The following PIKFYVE variants were observed in gnomAD, a reference collection of about 807,000 sequenced individuals.
PIKFYVE encodes the protein phosphoinositide kinase, FYVE-type zinc finger containing.
In PIKFYVE, 122 loss-of-function variants were observed where a neutral mutation model predicts 257.9. That is an observed-to-expected ratio of 0.47 (90% CI 0.41 to 0.55). The LOEUF (loss-of-function observed/expected upper bound fraction) is 0.55, where lower values mean the gene tolerates loss of function less well. Ranked by LOEUF, PIKFYVE falls within the 20% of genes least tolerant of loss-of-function variation. The pLI is 0.00. For synonymous variants in PIKFYVE, 892 were observed against 868.9 expected (o/e 1.03, Z -0.47); for missense variants, 2,160 against 2,536.6 (o/e 0.85, Z 3.19).
chr2:208,296,889 G>A (rs548857813), intron 7 of PIKFYVE, among the ~76,000 whole-genome samples: 1 of 152,296 alleles, frequency 6.6e-6, no homozygotes, highest in Admixed American at 6.5e-5. Flanking sequence ...GGGTTGTTTG[G>A]GGTTTAAGAG....
At chr2:208,340,469 G>T (rs1334197963) in intron 31 of PIKFYVE, among the ~76,000 whole-genome samples, 2 of 152,142 alleles carry the variant, frequency 1.3e-5, no homozygotes, top group Non-Finnish European at 2.9e-5. Flanking sequence ...TATGAGGTTG[G>T]TAGTTGATTT....
chr2:208,342,647 CA>C lies in PIKFYVE; in HGVS notation c.5026del (p.Ser1676ValfsTer9). Reference protein sequence around the residue: ...EPSSIIAFALSCKEYRNALEE... With the variant: ...EPSSIIAFALXCKEYRNALEE... ...CCAGCTCCATCATTGCTTTTGCTCT[CA>C]GGTATTATTCATGGGACTTTGACTT... is the stretch of plus-strand genomic sequence containing the variant. On this transcript the variant is annotated frameshift_variant and splice_region_variant, in exon 32 of 42. Transcript: ENST00000264380. LOFTEE classifies it high-confidence loss of function. The C allele has an allele frequency of 6.2e-7, 1 of 1,604,016 alleles. No individual in the cohort carries two copies. Among genetic ancestry groups the C allele is most frequent in the Non-Finnish European group, 8.5e-7 (1 of 1,170,840 alleles).
At chr2:208,322,951 T>A in intron 17 of PIKFYVE, among the ~76,000 whole-genome samples, 1 of 149,338 alleles carries the variant, frequency 6.7e-6, no homozygotes, top group East Asian at 2.0e-4. Flanking sequence ...CGGTGTTTGG[T>A]TTTTTGTCCT....
chr2:208,331,131 G>A (rs1262704250), intron 23 of PIKFYVE, among the ~76,000 whole-genome samples: 1 of 152,040 alleles, frequency 6.6e-6, no homozygotes, highest in Non-Finnish European at 1.5e-5. Context: ...TAATAAATTC[G>A]AGCCTATGTG....
chr2:208,317,999 A>G (rs930035638), intron 16 of PIKFYVE, 58 bp downstream of exon 16: 26 of 1,509,110 alleles, frequency 1.7e-5, no homozygotes, highest in Non-Finnish European at 2.4e-5. Context: ...TGCTTAGGTA[A>G]CAAGTTGGGG....
chr2:208,318,543 G>T (rs1695826160), intron 16 of PIKFYVE, among the ~76,000 whole-genome samples: 1 of 152,200 alleles, frequency 6.6e-6, no homozygotes, highest in African/African-American at 2.4e-5. Context: ...TCAGTGTAGT[G>T]TACATACATT....
At chr2:208,302,491 C>G in intron 10 of PIKFYVE, 138 bp downstream of exon 10, 2 of 797,132 alleles carry the variant, frequency 2.5e-6, no homozygotes, top group Non-Finnish European at 4.2e-6. Flanking sequence ...AAAGTTAAAA[C>G]TTTTTTTACT....
intron 21 of PIKFYVE, among the ~76,000 whole-genome samples, chr2:208,328,641 A>T (rs560042138): frequency 5.3e-5 from 8 of 152,196 alleles, no homozygotes; most frequent in Non-Finnish European, 1.0e-4. Context: ...TGGGGATGGG[A>T]CCCAAGTCTA....
chr2:208,311,673 A>G (rs1421186840), intron 12 of PIKFYVE, among the ~76,000 whole-genome samples: 2 of 152,212 alleles, frequency 1.3e-5, no homozygotes, highest in Non-Finnish European at 2.9e-5. Context: ...ATAATTTTTG[A>G]AAAACAAAAA....
chr2:208,342,430 C>T, intron 31 of PIKFYVE, 124 bp from the exon 32 acceptor site: 1 of 720,928 alleles, frequency 1.4e-6, no homozygotes, highest in East Asian at 2.7e-5. Flanking sequence ...CAAAAACTTT[C>T]TCTTGAAATC....
intron 18 of PIKFYVE, 54 bp downstream of exon 18, chr2:208,324,336 T>C: frequency 6.5e-7 from 1 of 1,547,586 alleles, no homozygotes. Context: ...CTTTTAAATT[T>C]ATATGCACGT....
chr2:208,326,056 C>T lies in PIKFYVE; in HGVS notation c.3245C>T (p.Ala1082Val). The T allele has an allele frequency of 5.0e-6, 8 of 1,614,062 alleles. No individual in the cohort carries two copies. The highest frequency in any genetic ancestry group is 6.8e-6 in the Non-Finnish European group (8 of 1,179,992). The change falls in exon 20 of 42, where the codon GCA (alanine) becomes GTA (valine). Residue 1082 changes from alanine (A) to valine (V), a missense_variant. By Grantham distance (64) the Ala-to-Val change is moderately conservative. This residue lies in a region of PIKFYVE where 522 missense variants were observed against 514.6 expected (regional missense o/e 1.01). Transcript: ENST00000264380. ...GMRCSTRDYF[A>V]EQVYWSPLLN... ...AGATGCTCTACCCGAGATTATTTTGCAGAGCAGGTTTACTGGTCTCCTCTC... is the reference window on the plus strand; with the variant it reads ...AGATGCTCTACCCGAGATTATTTTGTAGAGCAGGTTTACTGGTCTCCTCTC...
At chr2:208,351,261 C>T (rs1335986294) in intron 37 of PIKFYVE, 91 bp from the exon 38 acceptor site, 1 of 1,110,026 alleles carries the variant, frequency 9.0e-7, no homozygotes, top group Non-Finnish European at 1.4e-6. Flanking sequence ...AATCATAAAA[C>T]AACCTAATCA....
intron 29 of PIKFYVE, 104 bp downstream of exon 29, chr2:208,338,672 C>A: frequency 9.1e-7 from 1 of 1,104,146 alleles, no homozygotes; most frequent in Admixed American, 1.8e-5. Flanking sequence ...TGCTGTTGTT[C>A]ATAGACTTCT....
rs1012061114 is a variant in PIKFYVE at position 208,310,066 on chromosome 2, A to G, written c.1637-2170A>G. Among the ~76,000 whole-genome samples the G allele has an allele frequency of 3.3e-5, 5 of 152,320 alleles. No individual in the cohort carries two copies. The East Asian group carries it at 9.6e-4, about 29-fold the overall frequency. On this transcript the variant is annotated intron_variant, in intron 12 of 41. Coordinates refer to ENST00000264380, the MANE Select transcript of PIKFYVE (RefSeq NM_015040.4). ...ACAGTTCTCTCTTAGTTTTTAACAT[A>G]CTAACGAGTTATTCTTTTTACATTT...
chr2:208,293,128 C>T (rs1692526567), intron 7 of PIKFYVE, among the ~76,000 whole-genome samples: 1 of 148,580 alleles, frequency 6.7e-6, no homozygotes. Context: ...ATGTAACTTA[C>T]AACTAATCCA....
At chr2:208,324,785 A>G (rs1696721399) in intron 18 of PIKFYVE, 126 bp from the exon 19 acceptor site, 2 of 1,176,654 alleles carry the variant, frequency 1.7e-6, no homozygotes, top group Admixed American at 4.3e-5. Flanking sequence ...AAAATTCATC[A>G]TATATTTATT....
Position 208,276,850 on chromosome 2 carries a change from G to A in PIKFYVE, c.441+20G>A. 1.9e-6 allele frequency: 3 copies of A among 1,582,306 alleles called. No individual in the cohort carries two copies. Among genetic ancestry groups the A allele is most frequent in the Non-Finnish European group, 2.6e-6 (3 of 1,151,792 alleles). On this transcript the variant is annotated intron_variant, in intron 4 of 41. Transcript: ENST00000264380. ...AGCCAGGTACTGTCTAGAGGCTTTG[G>A]AAGATTACTTATTAAGCGCTTATGG...
At chr2:208,288,915 A>G in intron 7 of PIKFYVE, 97 bp downstream of exon 7, 1 of 1,438,030 alleles carries the variant, frequency 7.0e-7, no homozygotes, top group Non-Finnish European at 9.7e-7. Flanking sequence ...ATTGATTGTC[A>G]TATACTTCCG....
Sources: gnomAD v4.1 joint callset for allele counts (sites outside exome capture counted in the v4.1 genomes callset) on GRCh38, gnomAD v4.1.1 for gene constraint, gnomAD v4.1.1 regional missense constraint, MANE v1.5 for transcripts, NCBI Gene and HGNC (gene_info 2026-07-23, HGNC 2026-07-21) for gene names.